The following GP9 variants were observed in gnomAD, a reference collection of about 807,000 sequenced individuals.
GP9 encodes the protein glycoprotein IX platelet, also known as platelet glycoprotein IX.
For synonymous variants in GP9, 116 were observed against 116.7 expected (o/e 0.99, Z 0.04); for missense variants, 228 against 241.8 (o/e 0.94, Z 0.38).
chr3:129,062,207 C>A lies in GP9; in HGVS notation c.468C>A (p.Ala156=), dbSNP rs1031961498. 15 of 1,566,104 alleles carry A rather than the reference C, an allele frequency of 9.6e-6. No individual in the cohort carries two copies. The highest frequency in any genetic ancestry group is 1.3e-5 in the Non-Finnish European group (15 of 1,159,832). ...TCTTGTGGGACGTGGCGCTGGTCGC[C>A]GTGGCCGCGCTGGGCCTGGCTCTTC... ...PGVLWDVALV[A]VAALGLALLA... is the part of the protein sequence containing the mutation. Residue 156 remains alanine (A), a synonymous_variant, in exon 3 of 3, where the codon GCC becomes GCA. Coordinates refer to ENST00000307395, the MANE Select transcript of GP9 (RefSeq NM_000174.5).
chr3:129,058,190 A>C (rs1341937404), upstream of GP9, among the ~76,000 whole-genome samples: 3 of 152,216 alleles, frequency 2.0e-5, no homozygotes, highest in Non-Finnish European at 4.4e-5. Flanking sequence ...GAAATTGATC[A>C]TGCAGAGGAA....
upstream of GP9, among the ~76,000 whole-genome samples, chr3:129,056,900 A>T (rs2107952801): frequency 6.6e-6 from 1 of 152,326 alleles, no homozygotes; most frequent in East Asian, 1.9e-4. Context: ...ATGAGAGGTG[A>T]GGCTGGACAG....
intron 1 of GP9, among the ~76,000 whole-genome samples, chr3:129,061,115 C>T (rs1038542781): frequency 2.6e-5 from 4 of 152,200 alleles, no homozygotes; most frequent in African/African-American, 7.2e-5. Flanking sequence ...GTGAGTCTGG[C>T]CTCTGACACC....
At chr3:129,060,434 C>T (rs1300242546), upstream of GP9, among the ~76,000 whole-genome samples, 2 of 152,252 alleles carry the variant, frequency 1.3e-5, no homozygotes, top group East Asian at 1.9e-4. Context: ...CAGGCAGGAC[C>T]GGTCACTGCT....
chr3:129,059,823 C>A (rs965083595), upstream of GP9, among the ~76,000 whole-genome samples: 1 of 152,188 alleles, frequency 6.6e-6, no homozygotes, highest in South Asian at 2.1e-4. Context: ...AGAACAAGCA[C>A]ACCCCCACCC....
chr3:129,058,568 CT>C (rs1365892604), upstream of GP9, among the ~76,000 whole-genome samples: 1 of 152,232 alleles, frequency 6.6e-6, no homozygotes, highest in Non-Finnish European at 1.5e-5. Flanking sequence ...GACACTCCCC[CT>C]GGCACCATGG....
upstream of GP9, among the ~76,000 whole-genome samples, chr3:129,059,857 G>A (rs1051871967): frequency 1.3e-5 from 2 of 152,222 alleles, no homozygotes; most frequent in African/African-American, 2.4e-5. Flanking sequence ...GAATATTCCC[G>A]AGGGTCCTGA....
At chr3:129,056,263 G>A (rs538535960), upstream of GP9, among the ~76,000 whole-genome samples, 1 of 152,346 alleles carries the variant, frequency 6.6e-6, no homozygotes, top group South Asian at 2.1e-4. Context: ...CAAAGATCCA[G>A]CAAGCAGAGG....
At chr3:129,059,051 T>A (rs145643668), upstream of GP9, among the ~76,000 whole-genome samples, 5 of 152,306 alleles carry the variant, frequency 3.3e-5, no homozygotes, top group East Asian at 9.7e-4. Flanking sequence ...CTTGGGCAGA[T>A]GGGTATGTAT....
Position 129,061,630 on chromosome 3 carries a change from C to T in GP9, c.-13+11C>T, listed in dbSNP as rs1946575605. The T allele has an allele frequency of 1.1e-6, 1 of 912,788 alleles. No homozygotes were observed. Among genetic ancestry groups the T allele is most frequent in the Non-Finnish European group, 1.7e-6 (1 of 579,270 alleles). The allele number at this position is 912,788 out of a possible 1,614,324, so 56.5% of individuals were successfully genotyped here. A position where few individuals can be genotyped will look rare whatever the true frequency, so the allele number is the denominator to read the frequency against. On this transcript the variant is annotated intron_variant, in intron 2 of 2. Transcript: ENST00000307395. ...GACCCGAGAAGGGAGGTGAGTGCACCCCGTCCCATGTCAGGCTCCGCTACA... is the reference window on the plus strand; with the variant it reads ...GACCCGAGAAGGGAGGTGAGTGCACTCCGTCCCATGTCAGGCTCCGCTACA...
chr3:129,056,401 A>T (rs1946521851), upstream of GP9, among the ~76,000 whole-genome samples: 1 of 152,120 alleles, frequency 6.6e-6, no homozygotes, highest in African/African-American at 2.4e-5. Flanking sequence ...AGAAGGAAAA[A>T]TTGTCTTGGG....
upstream of GP9, among the ~76,000 whole-genome samples, chr3:129,059,598 C>G (rs770892121): frequency 6.6e-6 from 1 of 152,176 alleles, no homozygotes; most frequent in Non-Finnish European, 1.5e-5. Flanking sequence ...CTTCCCCACC[C>G]TTCTCTGAGC....
chr3:129,061,794 G>A lies in GP9; in HGVS notation c.55G>A (p.Asp19Asn), dbSNP rs1946577639. 3.1e-6 allele frequency: 5 copies of A among 1,613,136 alleles called. No individual in the cohort carries two copies. Among genetic ancestry groups the A allele is most frequent in the Middle Eastern group, 3.3e-4 (2 of 6,040 alleles). Residue 19 changes from aspartate (D) to asparagine (N), a missense_variant, in exon 3 of 3, where the codon GAC (aspartate) becomes AAC (asparagine). Transcript: ENST00000307395. ...CTGGGCCACAGCAGAGGCCACCAAGGACTGCCCCAGCCCATGTACCTGCCG... is the reference window on the plus strand; with the variant it reads ...CTGGGCCACAGCAGAGGCCACCAAGAACTGCCCCAGCCCATGTACCTGCCG... The part of the protein sequence containing the change: ...LLWATAEATK[D>N]CPSPCTCRAL...
At chr3:129,060,440 C>G (rs374542855), upstream of GP9, among the ~76,000 whole-genome samples, 26 of 152,382 alleles carry the variant, frequency 1.7e-4, 3 homozygotes, top group Admixed American at 5.9e-4. Context: ...GGACCGGTCA[C>G]TGCTCCCACT....
chr3:129,059,489 G>A (rs1946552211), upstream of GP9, among the ~76,000 whole-genome samples: 1 of 152,222 alleles, frequency 6.6e-6, no homozygotes, highest in African/African-American at 2.4e-5. Flanking sequence ...CCTCTCCATG[G>A]TCCAGGCTCC....
chr3:129,057,453 A>G (rs1414766606), upstream of GP9, among the ~76,000 whole-genome samples: 1 of 152,210 alleles, frequency 6.6e-6, no homozygotes, highest in East Asian at 1.9e-4. Flanking sequence ...TTTGAGCAAC[A>G]GGAAGAAAAT....
chr3:129,058,403 G>A (rs1404213863), upstream of GP9, among the ~76,000 whole-genome samples: 1 of 152,244 alleles, frequency 6.6e-6, no homozygotes, highest in Admixed American at 6.5e-5. Flanking sequence ...AGCAGGACCT[G>A]TTTTCTGAGC....
Position 129,062,331 on chromosome 3 carries a change from C to G in GP9, c.*58C>G, listed in dbSNP as rs541753003. ...GGGGGCCAGTCCCTGAGGCAGGTCCCCAGACTCCACCAAGCCTGGTCAGCC... is the reference window on the plus strand; with the variant it reads ...GGGGGCCAGTCCCTGAGGCAGGTCCGCAGACTCCACCAAGCCTGGTCAGCC... On this transcript the variant is annotated 3_prime_UTR_variant, in exon 3 of 3. Coordinates refer to ENST00000307395, the MANE Select transcript of GP9 (RefSeq NM_000174.5). The G allele has an allele frequency of 9.0e-6, 11 of 1,227,994 alleles. No homozygotes were observed. The highest frequency in any genetic ancestry group is 4.7e-5 in the Admixed American group (2 of 42,124). 76.1% of individuals were successfully genotyped at this position (1,227,994 alleles called of 1,614,324 possible).
upstream of GP9, among the ~76,000 whole-genome samples, chr3:129,058,890 C>A (rs1946546625): frequency 6.6e-6 from 1 of 152,242 alleles, no homozygotes; most frequent in Non-Finnish European, 1.5e-5. Context: ...GGGGCAAAGC[C>A]CTGATTTGGG....
Sources: allele counts gnomAD v4.1 joint callset (sites outside exome capture counted in the v4.1 genomes callset), GRCh38; gene constraint gnomAD v4.1.1; transcripts MANE v1.5; gene names NCBI Gene and HGNC (gene_info 2026-07-23, HGNC 2026-07-21).